Variants in POM121C observed in about 807,000 individuals in gnomAD.
POM121C encodes POM121 transmembrane nucleoporin C.
Under a neutral mutation model 66.4 loss-of-function variants are expected in POM121C, and 20 were observed. That is an observed-to-expected ratio of 0.30 (90% CI 0.21 to 0.44). POM121C has a LOEUF of 0.44. Among genes scored for constraint, POM121C ranks in the 20% least tolerant of loss-of-function variants. The pLI is 1.00. For missense variants in POM121C, 580 were observed against 1,225.7 expected, an observed-to-expected ratio of 0.47 and a Z score of 7.87; for synonymous variants, 286 against 528.0, an observed-to-expected ratio of 0.54 and a Z score of 6.28.
At chr7:75,430,280 G>GTTTTC (rs1790114714) in intron 7 of POM121C, among the ~76,000 whole-genome samples, 1 of 152,024 alleles carries the variant, frequency 6.6e-6, no homozygotes, top group Admixed American at 6.6e-5. Context: ...TAAGGGTAGG[G>GTTTTC]GTAAAACAAA....
chr7:75,478,585 TA>T (rs1792181717), intron 1 of POM121C, among the ~76,000 whole-genome samples: 1 of 151,510 alleles, frequency 6.6e-6, no homozygotes, highest in Non-Finnish European at 1.5e-5. Context: ...AGGCAAGATG[TA>T]AAAAAGACCC....
chr7:75,453,426 T>C (rs1791095351), intron 3 of POM121C, among the ~76,000 whole-genome samples: 1 of 150,502 alleles, frequency 6.6e-6, no homozygotes, highest in Non-Finnish European at 1.5e-5. Context: ...CTGCTAAAAA[T>C]ACAAAATTAG....
At chr7:75,448,445 G>A (rs1790904955) in intron 3 of POM121C, among the ~76,000 whole-genome samples, 1 of 133,962 alleles carries the variant, frequency 7.5e-6, no homozygotes, top group Non-Finnish European at 1.6e-5. Flanking sequence ...ATTGAGGACT[G>A]ATATCAGCAA....
intron 3 of POM121C, among the ~76,000 whole-genome samples, chr7:75,466,902 A>G (rs1554477926): frequency 6.6e-6 from 1 of 152,212 alleles, no homozygotes; most frequent in African/African-American, 2.4e-5. Context: ...TATAAGTGGG[A>G]AAAAGACCCA....
rs184082729 is a variant in POM121C at position 75,460,337 on chromosome 7, A to G, written c.-152+14367T>C. 3.3e-5 allele frequency among the ~76,000 whole-genome samples: 5 copies of G among 151,578 alleles called. No homozygotes were observed. The East Asian group carries it at 5.8e-4, about 18-fold the overall frequency. ...GCGAGACCCCATCTCCACAAAAAGA[A>G]TAAGAAAAAAAAAGATTAGCCAGGC... On this transcript the variant is annotated intron_variant, in intron 3 of 14. Coordinates refer to ENST00000615331, the MANE Select transcript of POM121C (RefSeq NM_001099415.3).
rs1213731860 is a variant in POM121C at position 75,418,191 on chromosome 7, G to C, written c.*605C>G. 1 of 982,998 alleles carries C rather than the reference G, an allele frequency of 1.0e-6. No homozygotes were observed. Among genetic ancestry groups the C allele is most frequent in the Non-Finnish European group, 1.2e-6 (1 of 827,892 alleles). 60.9% of individuals were successfully genotyped at this position (982,998 alleles called of 1,614,324 possible). On this transcript the variant is annotated 3_prime_UTR_variant, in exon 15 of 15. Coordinates refer to ENST00000615331, the MANE Select transcript of POM121C (RefSeq NM_001099415.3). ...AGGCTTGGCAGGAAGAAAACGGCAG[G>C]AGCAGCACCCACTGGGGTCTCCAAG...
At chr7:75,482,102 A>T (rs184245398) in intron 1 of POM121C, among the ~76,000 whole-genome samples, 30 of 152,108 alleles carry the variant, frequency 2.0e-4, no homozygotes, top group African/African-American at 4.6e-4. Flanking sequence ...AGATATTTTT[A>T]AAAAATGTGC....
At chr7:75,428,140 T>G (rs1221075506) in intron 7 of POM121C, among the ~76,000 whole-genome samples, 1 of 151,898 alleles carries the variant, frequency 6.6e-6, no homozygotes, top group Non-Finnish European at 1.5e-5. Flanking sequence ...CAGTCACCTG[T>G]GGAACTTTTT....
At chr7:75,465,152 G>A (rs1554477592) in intron 3 of POM121C, among the ~76,000 whole-genome samples, 1 of 151,730 alleles carries the variant, frequency 6.6e-6, no homozygotes, top group Non-Finnish European at 1.5e-5. Context: ...GCGCCACCAT[G>A]CCCGGCTATT....
chr7:75,427,638 A>G (rs1271470907), intron 7 of POM121C, among the ~76,000 whole-genome samples: 1 of 151,844 alleles, frequency 6.6e-6, no homozygotes, highest in Non-Finnish European at 1.5e-5. Flanking sequence ...CACAGAGCGG[A>G]CACTGCAAAT....
At chr7:75,475,589 C>G (rs1792043254) in intron 1 of POM121C, among the ~76,000 whole-genome samples, 3 of 151,294 alleles carry the variant, frequency 2.0e-5, no homozygotes, top group African/African-American at 7.3e-5. Context: ...TTGGAGTGCC[C>G]ACCACTCAGT....
At chr7:75,473,230 C>A (rs1791940249) in intron 3 of POM121C, among the ~76,000 whole-genome samples, 1 of 151,974 alleles carries the variant, frequency 6.6e-6, no homozygotes, top group Non-Finnish European at 1.5e-5. Context: ...TCAGACATAT[C>A]AATTTGGAGG....
intron 3 of POM121C, among the ~76,000 whole-genome samples, chr7:75,471,484 C>G (rs374666126): frequency 5.9e-5 from 9 of 152,198 alleles, no homozygotes; most frequent in African/African-American, 1.9e-4. Context: ...AGGTGTGAGC[C>G]ACCATGCCCG....
chr7:75,421,631 C>G lies in POM121C; in HGVS notation c.2621G>C (p.Ser874Thr), dbSNP rs782730645. The G allele has an allele frequency of 1.2e-5, 20 of 1,613,464 alleles. No homozygotes were observed. The highest frequency in any genetic ancestry group is 2.7e-5 in the African/African-American group (2 of 74,878). Reference protein sequence around the residue: ...AFSFGAGQSGSTATSTPFTGG... With the variant: ...AFSFGAGQSGTTATSTPFTGG... ...TGTGAAGGGGGTGGAGGTGGCTGTG[C>G]TCCCACTCTGTCCTGCTCCAAAGCT... The change falls in exon 13 of 15, where the codon AGC (serine) becomes ACC (threonine). Residue 874 changes from serine to threonine, a missense_variant. Ser to Thr is a moderately conservative substitution (Grantham distance 58, BLOSUM62 1). Transcript: ENST00000615331.
In POM121C at chr7:75,450,639, A is replaced by C. The variant is rs587657521; in HGVS notation, c.-151-8992T>G. Reference sequence around the variant, plus strand: ...TCTTATCAAAATGTGAGCTGAACACATGCTAAAAGAATCAGAGACTTCAGT... The same window carrying C: ...TCTTATCAAAATGTGAGCTGAACACCTGCTAAAAGAATCAGAGACTTCAGT... On this transcript the variant is annotated intron_variant, in intron 3 of 14. Coordinates refer to ENST00000615331, the MANE Select transcript of POM121C (RefSeq NM_001099415.3). Among the ~76,000 whole-genome samples the C allele has an allele frequency of 5.3e-5, 8 of 152,376 alleles. No individual in the cohort carries two copies. In the East Asian group the frequency reaches 1.5e-3, roughly 29 times the overall value.
chr7:75,434,216 AAAT>A (rs1790304735), intron 7 of POM121C, among the ~76,000 whole-genome samples: 2 of 152,218 alleles, frequency 1.3e-5, no homozygotes, highest in African/African-American at 4.8e-5. Flanking sequence ...ACAGAACTGA[AAAT>A]AATCATTCAA....
intron 7 of POM121C, among the ~76,000 whole-genome samples, chr7:75,429,528 C>T (rs374592509): frequency 3.8e-4 from 58 of 152,180 alleles, no homozygotes; most frequent in East Asian, 1.9e-4. Flanking sequence ...CTACTTGGAA[C>T]GCTGAGGCAG....
intron 7 of POM121C, among the ~76,000 whole-genome samples, chr7:75,436,294 T>C (rs772039823): frequency 5.9e-5 from 9 of 152,132 alleles, no homozygotes; most frequent in African/African-American, 2.2e-4. Flanking sequence ...CCAAAGCTTT[T>C]TGAAGAAACA....
At chr7:75,419,284 C>CA in intron 14 of POM121C, 36 bp downstream of exon 14, 1 of 1,589,956 alleles carries the variant, frequency 6.3e-7, no homozygotes, top group Non-Finnish European at 8.6e-7. Flanking sequence ...TCTCCTCAGA[C>CA]AGACGAGCAG....
Sources: allele counts gnomAD v4.1 joint callset (sites outside exome capture counted in the v4.1 genomes callset), GRCh38; gene constraint gnomAD v4.1.1; transcripts MANE v1.5; gene names NCBI Gene and HGNC (gene_info 2026-07-23, HGNC 2026-07-21).